The following CACNB2 variants were observed in gnomAD, a reference collection of about 807,000 sequenced individuals.
The protein encoded by CACNB2 is calcium voltage-gated channel auxiliary subunit beta 2.
Under a neutral mutation model 73.3 loss-of-function variants are expected in CACNB2, and 42 were observed. The ratio of observed to expected loss-of-function variants is 0.57; its 90% CI spans 0.45 to 0.74. CACNB2 has a LOEUF of 0.74. Ranked by LOEUF, CACNB2 falls within the 30% of genes least tolerant of loss-of-function variation. CACNB2 has a pLI of 0.00. For synonymous variants in CACNB2, 348 were observed against 310.3 expected (o/e 1.12, Z -1.28); for missense variants, 940 against 853.0 (o/e 1.10, Z -1.27).
rs2036380570 is a variant in CACNB2 at position 18,235,038 on chromosome 10, G to A, written c.213+84063G>A. Reference sequence around the variant, plus strand: ...GGCGCCTGTAGTCCCAGCTACTCAGGAGGCTGAGGCAGGAGAATGGCATGA... The same window carrying A: ...GGCGCCTGTAGTCCCAGCTACTCAGAAGGCTGAGGCAGGAGAATGGCATGA... On this transcript the variant is annotated intron_variant, in intron 2 of 13. Coordinates refer to ENST00000324631, the MANE Select transcript of CACNB2 (RefSeq NM_201596.3). Among the ~76,000 whole-genome samples, 3 of 151,912 alleles carry A rather than the reference G, an allele frequency of 2.0e-5. No homozygotes were observed. The South Asian group carries it at 6.2e-4, about 32-fold the overall frequency.
chr10:18,286,402 C>T (rs1297803458), intron 2 of CACNB2, among the ~76,000 whole-genome samples: 3 of 151,706 alleles, frequency 2.0e-5, no homozygotes, highest in Admixed American at 1.3e-4. Context: ...CCTGTAGTCC[C>T]AGCTACTCGG....
chr10:18,192,847 T>C (rs1334438834), intron 2 of CACNB2, among the ~76,000 whole-genome samples: 2 of 152,218 alleles, frequency 1.3e-5, no homozygotes, highest in Non-Finnish European at 2.9e-5. Context: ...TATTTTATAG[T>C]ATTATCATCA....
In CACNB2 at chr10:18,344,860, G is replaced by C. The variant is rs116550595; in HGVS notation, c.214-57064G>C. On this transcript the variant is annotated intron_variant, in intron 2 of 13. Coordinates refer to ENST00000324631, the MANE Select transcript of CACNB2 (RefSeq NM_201596.3). ...CCACAAGCTCACCATGCTGTGGTCA[G>C]ATATTTTTATGCTGGCATATTGTAC... 8.6e-3 allele frequency among the ~76,000 whole-genome samples: 1,304 copies of C among 152,316 alleles called. 24 individuals carry two copies. The highest frequency in any genetic ancestry group is 0.03 in the African/African-American group (1,234 of 41,574).
chr10:18,160,997 T>G (rs563456584), intron 2 of CACNB2, among the ~76,000 whole-genome samples: 1 of 152,082 alleles, frequency 6.6e-6, no homozygotes, highest in African/African-American at 2.4e-5. Flanking sequence ...AAGACCTGAG[T>G]TGGTGAAAAA....
intron 2 of CACNB2, among the ~76,000 whole-genome samples, chr10:18,327,881 C>A (rs1291730870): frequency 2.6e-5 from 4 of 152,072 alleles, no homozygotes; most frequent in Admixed American, 6.6e-5. Context: ...GGTGTCCTGG[C>A]AGGGCTAGTT....
intron 2 of CACNB2, among the ~76,000 whole-genome samples, chr10:18,278,077 G>T (rs2038375973): frequency 6.6e-6 from 1 of 152,110 alleles, no homozygotes; most frequent in Admixed American, 6.5e-5. Context: ...CAAGTTACAA[G>T]GAAAATATTG....
At chr10:18,416,332 C>G (rs1415301434) in intron 3 of CACNB2, among the ~76,000 whole-genome samples, 1 of 152,240 alleles carries the variant, frequency 6.6e-6, no homozygotes, top group Admixed American at 6.5e-5. Context: ...ATGTATAGAC[C>G]ACATTTCTTT....
chr10:18,174,965 C>T (rs1036514222), intron 2 of CACNB2, among the ~76,000 whole-genome samples: 2 of 152,126 alleles, frequency 1.3e-5, no homozygotes, highest in Admixed American at 6.5e-5. Flanking sequence ...AGGATTATAG[C>T]AGCACTAACA....
At chr10:18,226,457 G>A (rs575367158) in intron 2 of CACNB2, among the ~76,000 whole-genome samples, 1 of 152,296 alleles carries the variant, frequency 6.6e-6, no homozygotes, top group Non-Finnish European at 1.5e-5. Context: ...AATTACCCTA[G>A]TGATGTTTTA....
intron 2 of CACNB2, among the ~76,000 whole-genome samples, chr10:18,196,532 A>T (rs1161842872): frequency 2.6e-5 from 4 of 152,202 alleles, no homozygotes; most frequent in East Asian, 3.9e-4. Flanking sequence ...TCCCCAGGCT[A>T]GTCTCGAAGT....
At chr10:18,389,946 T>C (rs573331254) in intron 2 of CACNB2, among the ~76,000 whole-genome samples, 3 of 152,376 alleles carry the variant, frequency 2.0e-5, no homozygotes, top group South Asian at 4.1e-4. Flanking sequence ...ATTCATTTCT[T>C]ACTGTTTTAC....
intron 2 of CACNB2, among the ~76,000 whole-genome samples, chr10:18,283,908 C>G (rs2038673584): frequency 6.6e-6 from 1 of 151,982 alleles, no homozygotes. Context: ...CATTAATATG[C>G]AAAGAAGATT....
intron 3 of CACNB2, among the ~76,000 whole-genome samples, chr10:18,441,382 C>T (rs992856444): frequency 5.9e-5 from 9 of 152,040 alleles, no homozygotes; most frequent in African/African-American, 9.7e-5. Flanking sequence ...TCTAGTCTGC[C>T]GACAGAGCAA....
intron 2 of CACNB2, among the ~76,000 whole-genome samples, chr10:18,199,592 C>T (rs2034783714): frequency 6.6e-6 from 1 of 152,070 alleles, no homozygotes; most frequent in Non-Finnish European, 1.5e-5. Context: ...ACAGGATTGT[C>T]AAGGGATAAG....
intron 2 of CACNB2, among the ~76,000 whole-genome samples, chr10:18,231,985 A>AT (rs1445196156): frequency 2.0e-5 from 3 of 152,184 alleles, no homozygotes; most frequent in Non-Finnish European, 4.4e-5. Flanking sequence ...ATGTACTAAC[A>AT]CCTTCTTTTG....
chr10:18,484,156 G>A (rs906364192), intron 3 of CACNB2, among the ~76,000 whole-genome samples: 2 of 152,182 alleles, frequency 1.3e-5, no homozygotes, highest in Non-Finnish European at 2.9e-5. Flanking sequence ...CACTTTGGAA[G>A]GCCAAGGCGG....
chr10:18,442,644 A>G (rs868692264), intron 3 of CACNB2, among the ~76,000 whole-genome samples: 21 of 151,110 alleles, frequency 1.4e-4, no homozygotes, highest in Middle Eastern at 3.4e-3. Context: ...GGCCAACATG[A>G]TGAAACCCCG....
Position 18,263,507 on chromosome 10 carries a change from A to G in CACNB2, c.213+112532A>G, listed in dbSNP as rs116311858. On this transcript the variant is annotated intron_variant, in intron 2 of 13. Transcript: ENST00000324631. ...ATCTGTTAGATCTAATTACATAAAT[A>G]ATATATTTTAGATGTAATATAAATC... Among the ~76,000 whole-genome samples the G allele has an allele frequency of 7.3e-3, 1,113 of 152,296 alleles. 12 individuals are homozygous for G. Among genetic ancestry groups the G allele is most frequent in the African/African-American group, 0.026 (1,079 of 41,548 alleles).
chr10:18,483,221 T>C (rs1333144052), intron 3 of CACNB2, among the ~76,000 whole-genome samples: 1 of 151,806 alleles, frequency 6.6e-6, no homozygotes, highest in East Asian at 1.9e-4. Context: ...AGCTCAATCA[T>C]TTTCGTTTAA....
Sources: allele counts gnomAD v4.1 joint callset (sites outside exome capture counted in the v4.1 genomes callset), GRCh38; gene constraint gnomAD v4.1.1; transcripts MANE v1.5; gene names NCBI Gene and HGNC (gene_info 2026-07-23, HGNC 2026-07-21).